Variants in GTSF1 observed in about 807,000 individuals in gnomAD.
GTSF1 encodes gametocyte specific factor 1, also known as gametocyte-specific factor 1.
A neutral mutation model predicts 28.9 loss-of-function variants in GTSF1; 11 were observed. The ratio of observed to expected loss-of-function variants is 0.38; its 90% CI spans 0.24 to 0.63. The LOEUF is 0.63. GTSF1 is among the 30% of genes least tolerant of loss of function. The pLI, the probability that GTSF1 is intolerant of heterozygous loss-of-function variation, is 0.56. For synonymous variants in GTSF1, 69 were observed against 65.6 expected (o/e 1.05, Z -0.25); for missense variants, 146 against 201.0 (o/e 0.73, Z 1.66).
At chr12:54,460,212 T>C (rs918529588) in intron 7 of GTSF1, among the ~76,000 whole-genome samples, 165 bp downstream of exon 7, 1 of 152,164 alleles carries the variant, frequency 6.6e-6, no homozygotes, top group Admixed American at 6.6e-5. Context: ...CCACGGTCAG[T>C]AGGGTGAACT....
intron 1 of GTSF1, chr12:54,471,900 C>T (rs1419359447): frequency 6.5e-6 from 1 of 153,186 alleles, no homozygotes; most frequent in Non-Finnish European, 1.4e-5. Context: ...AACAAACAAA[C>T]AAAAAAACAA....
chr12:54,459,391 T>A (rs1224179993), intron 7 of GTSF1: 1 of 1,386,976 alleles, frequency 7.2e-7, no homozygotes, highest in Admixed American at 2.3e-5. Flanking sequence ...TTAAAGTGAA[T>A]CCTCTAGCCA....
chr12:54,466,355 G>GAA (rs1355093697), intron 2 of GTSF1, among the ~76,000 whole-genome samples: 12 of 152,326 alleles, frequency 7.9e-5, no homozygotes, highest in Admixed American at 5.2e-4. Context: ...GTGGGGAATT[G>GAA]AAACAGACAG....
intron 2 of GTSF1, among the ~76,000 whole-genome samples, chr12:54,468,617 G>T (rs1956553224): frequency 6.6e-6 from 1 of 152,206 alleles, no homozygotes; most frequent in Admixed American, 6.5e-5. Flanking sequence ...CTGTTACTCA[G>T]ATTTGGGTAG....
chr12:54,468,777 A>G (rs942636248), intron 2 of GTSF1: 31 of 152,226 alleles, frequency 2.0e-4, no homozygotes, highest in African/African-American at 7.0e-4. Context: ...ATCCAGGTCA[A>G]TTTGGGAAAC....
At chr12:54,457,129 T>C (rs902948950) in intron 8 of GTSF1, among the ~76,000 whole-genome samples, 1 of 152,090 alleles carries the variant, frequency 6.6e-6, no homozygotes, top group African/African-American at 2.4e-5. Flanking sequence ...AAAACTTCAT[T>C]TTTATTAAGA....
intron 3 of GTSF1, 87 bp from the exon 4 acceptor site, chr12:54,463,384 TC>T (rs1956454771): frequency 7.9e-7 from 1 of 1,258,664 alleles, no homozygotes; most frequent in Admixed American, 2.3e-5. Flanking sequence ...TACAAATGCC[TC>T]CCCTAAAATT....
In GTSF1 at chr12:54,463,267, T is replaced by C. The variant is rs764374884; in HGVS notation, c.148A>G (p.Thr50Ala). Residue 50 changes from threonine (T) to alanine (A), a missense_variant, in exon 4 of 9, where the codon ACT becomes GCT. By Grantham distance (58) the Thr-to-Ala change is moderately conservative. Coordinates refer to ENST00000305879, the MANE Select transcript of GTSF1 (RefSeq NM_144594.3). ...NHPDVASKLA[T>A]CPFNARHQVP... The stretch of plus-strand genomic sequence containing the variant: ...TGGTGGCGAGCATTGAAGGGACAAG[T>C]AGCCAATTTGCTTGCAACATCAGGA... 5 of 1,613,794 alleles carry C rather than the reference T, an allele frequency of 3.1e-6. No individual in the cohort carries two copies. The African/African-American group carries it at 6.7e-5, about 22-fold the overall frequency.
chr12:54,463,476 A>G (rs896955541), intron 3 of GTSF1, 179 bp from the exon 4 acceptor site: 1 of 563,748 alleles, frequency 1.8e-6, no homozygotes, highest in Non-Finnish European at 3.1e-6. Flanking sequence ...GTTTTTATAG[A>G]CAATTACTTC....
intron 4 of GTSF1, 37 bp downstream of exon 4, chr12:54,463,134 C>T: frequency 6.3e-7 from 1 of 1,592,354 alleles, no homozygotes; most frequent in Non-Finnish European, 8.6e-7. Context: ...AAGGAGCTAC[C>T]CTCCAGTACT....
At chr12:54,468,800 C>A (rs1427359197) in intron 2 of GTSF1, 2 of 152,180 alleles carry the variant, frequency 1.3e-5, no homozygotes, top group Admixed American at 1.3e-4. Flanking sequence ...TAGTCTAAGG[C>A]AGTGTTTCTC....
At chr12:54,471,081 T>A (rs940378959) in intron 2 of GTSF1, 152 bp downstream of exon 2, 16 of 475,156 alleles carry the variant, frequency 3.4e-5, no homozygotes, top group African/African-American at 2.6e-4. Flanking sequence ...TTTTCAAGTA[T>A]CTTATTTCAA....
In GTSF1 at chr12:54,460,538, T is replaced by C. The variant is rs891332967; in HGVS notation, c.393-67A>G. ...ATTCAAGCAGGCACACGTAAGATAA[T>C]CAAAATGTGTTTTTTGTAATTTGGG... On this transcript the variant is annotated intron_variant, in intron 6 of 8. Coordinates refer to ENST00000305879, the MANE Select transcript of GTSF1 (RefSeq NM_144594.3). 3.2e-5 allele frequency: 33 copies of C among 1,036,210 alleles called. No homozygotes were observed. In the African/African-American group the frequency reaches 3.4e-4, roughly 11 times the overall value. The allele number at this position is 1,036,210 out of a possible 1,614,324, so 64.2% of individuals were successfully genotyped here.
rs566920888 is a variant in GTSF1 at position 54,471,185 on chromosome 12, T to C, written c.16+48A>G. 3 of 1,440,712 alleles carry C rather than the reference T, an allele frequency of 2.1e-6. No individual in the cohort carries two copies. The East Asian group carries it at 7.2e-5, about 35-fold the overall frequency. The allele number at this position is 1,440,712 out of a possible 1,614,324, so 89.2% of individuals were successfully genotyped here. A position where few individuals can be genotyped will look rare whatever the true frequency, so the allele number is the denominator to read the frequency against. ...AAAAGTCTTGTCAGATATAAAACTA[T>C]ACGTAAATGATTTAACTTATTTTCT... On this transcript the variant is annotated intron_variant, in intron 2 of 8. Coordinates refer to ENST00000305879, the MANE Select transcript of GTSF1 (RefSeq NM_144594.3).
chr12:54,457,715 C>T (rs1481133407), intron 8 of GTSF1, among the ~76,000 whole-genome samples: 1 of 152,212 alleles, frequency 6.6e-6, no homozygotes, highest in Non-Finnish European at 1.5e-5. Flanking sequence ...CTCAGCCTCT[C>T]AAGTAGCTGG....
chr12:54,456,356 T>A (rs1328994451), intron 8 of GTSF1, among the ~76,000 whole-genome samples: 5 of 152,220 alleles, frequency 3.3e-5, no homozygotes, highest in African/African-American at 4.8e-5. Context: ...AACTTGTTAA[T>A]TGAATTAAAA....
rs1956614701 is a variant in GTSF1 at position 54,473,586 on chromosome 12, A to G, written c.-70T>C. 6.6e-6 allele frequency: 1 copy of G among 152,130 alleles called. No homozygotes were observed. Among genetic ancestry groups the G allele is most frequent in the Non-Finnish European group, 1.5e-5 (1 of 68,058 alleles). The allele number at this position is 152,130 out of a possible 1,614,324, so 9.4% of individuals were successfully genotyped here. A position where few individuals can be genotyped will look rare whatever the true frequency, so the allele number is the denominator to read the frequency against. On this transcript the variant is annotated 5_prime_UTR_variant, in exon 1 of 9. Coordinates refer to ENST00000305879, the MANE Select transcript of GTSF1 (RefSeq NM_144594.3). Reference sequence around the variant, plus strand: ...CCTTCCTCACAGTCACCTTCCTCCCACGCAAGCCCCAGCAACGGCCACTTC... The same window carrying G: ...CCTTCCTCACAGTCACCTTCCTCCCGCGCAAGCCCCAGCAACGGCCACTTC...
intron 2 of GTSF1, among the ~76,000 whole-genome samples, chr12:54,467,315 G>GTTT (rs1407749508): frequency 1.4e-5 from 2 of 145,954 alleles, no homozygotes; most frequent in African/African-American, 5.1e-5. Context: ...TGTTTTTTTT[G>GTTT]TTTTTTGTTT....
At chr12:54,469,469 C>T (rs1956566956) in intron 2 of GTSF1, among the ~76,000 whole-genome samples, 1 of 151,544 alleles carries the variant, frequency 6.6e-6, no homozygotes, top group African/African-American at 2.4e-5. Context: ...TGGTGGATCA[C>T]TTGAGGCCAG....
Sources: allele counts gnomAD v4.1 joint callset (sites outside exome capture counted in the v4.1 genomes callset), GRCh38; gene constraint gnomAD v4.1.1; transcripts MANE v1.5; gene names NCBI Gene and HGNC (gene_info 2026-07-23, HGNC 2026-07-21).